Variants in RANBP2 observed in about 807,000 individuals in gnomAD.
The protein encoded by RANBP2 is E3 SUMO-protein ligase RanBP2.
RANBP2 carries 57 observed loss-of-function variants against 303.6 expected under a neutral mutation model. That is an observed-to-expected ratio of 0.19 (90% confidence interval 0.15 to 0.23). The LOEUF (loss-of-function observed/expected upper bound fraction) is 0.23. RANBP2 is among the 10% of genes least tolerant of loss of function. The pLI, the probability that RANBP2 is intolerant of heterozygous loss-of-function variation, is 1.00. For synonymous variants in RANBP2, 1,167 were observed against 1,301.5 expected (o/e 0.90, Z 2.23); for missense variants, 3,138 against 3,780.8 (o/e 0.83, Z 4.46).
chr2:109,402,222 T>C, the RANBP2 span, among the ~76,000 whole-genome samples: 2 of 152,232 alleles, frequency 1.3e-5, no homozygotes, highest in Non-Finnish European at 2.9e-5. Flanking sequence ...TTGCTGGCCA[T>C]GTGCGTCTGA....
the RANBP2 span, among the ~76,000 whole-genome samples, chr2:109,089,643 G>T: frequency 6.6e-6 from 1 of 152,112 alleles, no homozygotes; most frequent in South Asian, 2.1e-4. Flanking sequence ...GTGGGGACAT[G>T]TGTTGGAAAG....
the RANBP2 span, among the ~76,000 whole-genome samples, chr2:108,858,278 A>G: frequency 3.9e-5 from 6 of 152,166 alleles, no homozygotes; most frequent in African/African-American, 1.2e-4. Context: ...CAGGAGGTGG[A>G]GGTTGCAGTG....
chr2:109,078,870 A>G, the RANBP2 span, among the ~76,000 whole-genome samples: 1 of 151,298 alleles, frequency 6.6e-6, no homozygotes, highest in Non-Finnish European at 1.5e-5. Flanking sequence ...ACACACCCGT[A>G]GTCCCAGCTA....
At chr2:109,609,262 A>G in the RANBP2 span, among the ~76,000 whole-genome samples, 1 of 152,214 alleles carries the variant, frequency 6.6e-6, no homozygotes, top group African/African-American at 2.4e-5. Context: ...AAAATTGTCC[A>G]AGATAACATA....
chr2:109,312,500 G>T, the RANBP2 span, among the ~76,000 whole-genome samples: 1 of 152,078 alleles, frequency 6.6e-6, no homozygotes. Context: ...TCCCCAAAAG[G>T]AAACTCTCTA....
chr2:108,744,215 C>G (rs1200076757), intron 7 of RANBP2, among the ~76,000 whole-genome samples: 1 of 152,116 alleles, frequency 6.6e-6, no homozygotes, highest in Non-Finnish European at 1.5e-5. Flanking sequence ...ACCATCCTGA[C>G]CAACATGGTC....
the RANBP2 span, among the ~76,000 whole-genome samples, chr2:108,841,958 T>A: frequency 2.0e-5 from 3 of 152,180 alleles, no homozygotes; most frequent in Non-Finnish European, 4.4e-5. Context: ...TAATTTAGGA[T>A]CTTTAAGATG....
At chr2:109,229,855 C>T in the RANBP2 span, among the ~76,000 whole-genome samples, 5 of 143,534 alleles carry the variant, frequency 3.5e-5, no homozygotes, top group South Asian at 2.2e-4. Flanking sequence ...GGCGGAGTCT[C>T]GCTCTGTTGC....
Position 108,740,599 on chromosome 2 carries a change from T to G in RANBP2, c.893T>G (p.Leu298Trp), listed in dbSNP as rs1232900149. 3.8e-6 allele frequency: 6 copies of G among 1,597,598 alleles called. No individual in the cohort carries two copies. Among genetic ancestry groups the G allele is most frequent in the Non-Finnish European group, 5.1e-6 (6 of 1,179,786 alleles). The change falls in exon 7 of 29, where the codon TTG (leucine) becomes TGG (tryptophan). Residue 298 changes from leucine to tryptophan, a missense_variant. Around this residue, in one of 20 missense-constraint regions of RANBP2, gnomAD observed 306 missense variants for 381.9 expected, o/e 0.80. Coordinates refer to ENST00000283195, the MANE Select transcript of RANBP2 (RefSeq NM_006267.5). ...TACATGCATGCTGGTTCTCTGCTTT[T>G]GAAGATGGGTCAGCATAGTAGTAAT... ...HFYMHAGSLL[L>W]KMGQHSSNVQ... is the part of the protein sequence containing the mutation.
chr2:109,060,739 C>T, the RANBP2 span, among the ~76,000 whole-genome samples: 6 of 152,160 alleles, frequency 3.9e-5, no homozygotes, highest in African/African-American at 1.4e-4. Flanking sequence ...CCCTGGGCCT[C>T]AGTTTCCCAT....
chr2:108,723,613 A>G (rs1694461646), intron 1 of RANBP2, among the ~76,000 whole-genome samples: 1 of 152,120 alleles, frequency 6.6e-6, no homozygotes, highest in African/African-American at 2.4e-5. Context: ...ATGCTCCTCC[A>G]AAACTGTCCT....
chr2:108,976,342 G>A, the RANBP2 span, among the ~76,000 whole-genome samples: 8 of 152,204 alleles, frequency 5.3e-5, no homozygotes, highest in African/African-American at 1.9e-4. Flanking sequence ...GGTTTGAGAG[G>A]AAGACCACAG....
At chr2:108,786,787 C>A (rs1289303240), downstream of RANBP2, 3 of 1,546,836 alleles carry the variant, frequency 1.9e-6, no homozygotes, top group South Asian at 1.2e-5. Flanking sequence ...TTGATGAACG[C>A]GGTTCCCGGG....
At chr2:109,179,469 G>T in the RANBP2 span, among the ~76,000 whole-genome samples, 1 of 152,154 alleles carries the variant, frequency 6.6e-6, no homozygotes, top group African/African-American at 2.4e-5. Flanking sequence ...TTGTCTTTGT[G>T]TGTTTTCTGT....
the RANBP2 span, among the ~76,000 whole-genome samples, chr2:109,387,444 C>T: frequency 5.9e-5 from 9 of 152,280 alleles, no homozygotes; most frequent in East Asian, 1.7e-3. Context: ...TGTGTCTGCT[C>T]CAGCCACTCT....
the RANBP2 span, among the ~76,000 whole-genome samples, chr2:109,653,098 A>G: frequency 6.6e-6 from 1 of 152,122 alleles, no homozygotes; most frequent in Non-Finnish European, 1.5e-5. Flanking sequence ...AGTTTGTTCC[A>G]TTTCAAAGGT....
At chr2:108,813,680 T>C in the RANBP2 span, among the ~76,000 whole-genome samples, 23 of 152,208 alleles carry the variant, frequency 1.5e-4, no homozygotes, top group Admixed American at 9.8e-4. Context: ...TAAAGTTTGA[T>C]TAATTTTGAT....
the RANBP2 span, among the ~76,000 whole-genome samples, chr2:109,447,943 G>C: frequency 6.6e-6 from 1 of 152,218 alleles, no homozygotes; most frequent in Non-Finnish European, 1.5e-5. Context: ...TGCAGGCAGA[G>C]CAGCAAATGC....
At chr2:109,648,470 A>G in the RANBP2 span, among the ~76,000 whole-genome samples, 1 of 151,968 alleles carries the variant, frequency 6.6e-6, no homozygotes, top group South Asian at 2.1e-4. Flanking sequence ...CAGCCTCCCA[A>G]ATAGCTGGGA....
Sources: allele counts gnomAD v4.1 joint callset (sites outside exome capture counted in the v4.1 genomes callset), GRCh38; gene constraint gnomAD v4.1.1; regional missense constraint gnomAD v4.1.1; transcripts MANE v1.5; gene names NCBI Gene and HGNC (gene_info 2026-07-23, HGNC 2026-07-21).